The following MEGF11 variants were observed in gnomAD, a reference collection of about 807,000 sequenced individuals.
MEGF11 encodes the protein multiple epidermal growth factor-like domains protein 11.
MEGF11 carries 126 observed loss-of-function variants against 146.6 expected under a neutral mutation model. The observed-to-expected ratio is 0.86, with a 90% CI of 0.74 to 1.00. MEGF11 has a LOEUF of 1.00. Ranked by LOEUF, MEGF11 falls within the 50% of genes least tolerant of loss-of-function variation. The probability of loss-of-function intolerance (pLI) is 0.00; values close to 1 mark genes in which losing one functional copy is unlikely to be tolerated. For synonymous variants in MEGF11, 532 were observed against 583.4 expected, an observed-to-expected ratio of 0.91 and a Z score of 1.27; for missense variants, 1,509 against 1,521.2, an observed-to-expected ratio of 0.99 and a Z score of 0.13.
intron 1 of MEGF11, among the ~76,000 whole-genome samples, chr15:66,188,125 C>CT (rs1364220877): frequency 6.6e-6 from 1 of 151,904 alleles, no homozygotes; most frequent in African/African-American, 2.4e-5. Context: ...GTAACACCCC[C>CT]CCATGCCCCA....
chr15:66,208,669 G>A (rs1371957317), intron 1 of MEGF11, among the ~76,000 whole-genome samples: 7 of 151,814 alleles, frequency 4.6e-5, no homozygotes, highest in African/African-American at 1.7e-4. Flanking sequence ...ATCACCTGAG[G>A]TCAGGAGTTT....
chr15:66,067,211 T>C (rs1016217116), intron 5 of MEGF11, among the ~76,000 whole-genome samples: 45 of 152,358 alleles, frequency 3.0e-4, no homozygotes, highest in African/African-American at 9.4e-4. Context: ...CCAGGTCTAA[T>C]GTTTGATGAC....
chr15:66,028,348 T>C (rs954483601), intron 5 of MEGF11, among the ~76,000 whole-genome samples: 2 of 152,174 alleles, frequency 1.3e-5, no homozygotes, highest in African/African-American at 4.8e-5. Context: ...AGGTCCTATT[T>C]TACACTTCCT....
intron 5 of MEGF11, among the ~76,000 whole-genome samples, chr15:66,054,099 C>T (rs2084576247): frequency 2.0e-5 from 3 of 152,126 alleles, no homozygotes; most frequent in African/African-American, 7.2e-5. Flanking sequence ...GGCATCCTTG[C>T]CCTCTTGGGT....
At chr15:66,237,990 C>A (rs1349348037) in intron 1 of MEGF11, among the ~76,000 whole-genome samples, 1 of 152,204 alleles carries the variant, frequency 6.6e-6, no homozygotes, top group Non-Finnish European at 1.5e-5. Flanking sequence ...TGATTCGATG[C>A]AATATCTATA....
intron 5 of MEGF11, among the ~76,000 whole-genome samples, chr15:66,013,922 T>C (rs993171668): frequency 2.6e-5 from 4 of 152,164 alleles, no homozygotes; most frequent in Admixed American, 1.3e-4. Context: ...AGAGGTCTTA[T>C]CAATTTCAAC....
chr15:66,135,991 T>C (rs2088869858), intron 1 of MEGF11, among the ~76,000 whole-genome samples: 3 of 152,112 alleles, frequency 2.0e-5, no homozygotes, highest in Admixed American at 1.3e-4. Flanking sequence ...TTCCCTGCCC[T>C]TCCCCTCCTC....
At chr15:66,147,101 C>T (rs2089401728) in intron 1 of MEGF11, among the ~76,000 whole-genome samples, 1 of 152,196 alleles carries the variant, frequency 6.6e-6, no homozygotes, top group African/African-American at 2.4e-5. Context: ...TCTGCTGCCA[C>T]TGACACCCAA....
At chr15:66,096,266 A>T (rs1037565806) in intron 4 of MEGF11, among the ~76,000 whole-genome samples, 3 of 152,236 alleles carry the variant, frequency 2.0e-5, no homozygotes, top group African/African-American at 7.2e-5. Context: ...AGAGAGCAGG[A>T]CCTTGATCCC....
At chr15:65,915,879 ATAAT>A (rs1315042943) in intron 18 of MEGF11, among the ~76,000 whole-genome samples, 1 of 151,764 alleles carries the variant, frequency 6.6e-6, no homozygotes. Context: ...ACTTTAAAGA[ATAAT>A]AAAAAAAAAA....
At chr15:65,918,153 C>A in intron 15 of MEGF11, 59 bp from the exon 16 acceptor site, 1 of 1,603,788 alleles carries the variant, frequency 6.2e-7, no homozygotes, top group Non-Finnish European at 8.5e-7. Flanking sequence ...TGACCTCCAC[C>A]CACAGCCTCA....
intron 4 of MEGF11, among the ~76,000 whole-genome samples, chr15:66,110,426 C>CT (rs1191218592): frequency 6.6e-6 from 1 of 152,184 alleles, no homozygotes; most frequent in African/African-American, 2.4e-5. Flanking sequence ...ACCACGGTGG[C>CT]TGCATTAACT....
At chr15:66,211,655 A>G (rs970992030) in intron 1 of MEGF11, among the ~76,000 whole-genome samples, 47 of 151,814 alleles carry the variant, frequency 3.1e-4, no homozygotes, top group African/African-American at 1.1e-3. Flanking sequence ...GCCCAGTCAC[A>G]CAGCTCAATG....
At chr15:65,964,832 C>T in intron 9 of MEGF11, 76 bp downstream of exon 9, 1 of 1,377,684 alleles carries the variant, frequency 7.3e-7, no homozygotes, top group Non-Finnish European at 9.9e-7. Flanking sequence ...AGGTGGGGGG[C>T]CACATCCTAG....
intron 4 of MEGF11, among the ~76,000 whole-genome samples, chr15:66,099,870 G>T (rs2086714920): frequency 6.6e-6 from 1 of 152,138 alleles, no homozygotes; most frequent in Non-Finnish European, 1.5e-5. Context: ...GGAGGAAGGA[G>T]CCCTGGTAAA....
At chr15:66,042,593 C>T (rs755128621) in intron 5 of MEGF11, among the ~76,000 whole-genome samples, 3 of 152,186 alleles carry the variant, frequency 2.0e-5, no homozygotes, top group Non-Finnish European at 4.4e-5. Flanking sequence ...AAAACACAGA[C>T]ATTTATCAAC....
intron 10 of MEGF11, among the ~76,000 whole-genome samples, chr15:65,952,985 C>T (rs2080460094): frequency 6.6e-6 from 1 of 152,222 alleles, no homozygotes; most frequent in African/African-American, 2.4e-5. Context: ...TACAGTGCCC[C>T]CTGAGACCGA....
intron 5 of MEGF11, among the ~76,000 whole-genome samples, chr15:65,983,819 G>C (rs1433544075): frequency 1.3e-5 from 2 of 152,098 alleles, no homozygotes; most frequent in African/African-American, 4.8e-5. Context: ...GGTGTCACTG[G>C]GGTAGACTCA....
At chr15:66,153,717 G>A (rs1489447267) in intron 1 of MEGF11, among the ~76,000 whole-genome samples, 2 of 152,166 alleles carry the variant, frequency 1.3e-5, no homozygotes, top group East Asian at 3.9e-4. Context: ...TTAGCAGGAG[G>A]CACCCAGAGC....
Sources: allele counts gnomAD v4.1 joint callset (sites outside exome capture counted in the v4.1 genomes callset), GRCh38; gene constraint gnomAD v4.1.1; transcripts MANE v1.5; gene names NCBI Gene and HGNC (gene_info 2026-07-23, HGNC 2026-07-21).